Variants in KLHL29 observed in about 807,000 individuals in gnomAD.
KLHL29 encodes kelch like family member 29, also known as kelch-like protein 29.
KLHL29 carries 21 observed loss-of-function variants against 80.4 expected under a neutral mutation model. That is an observed-to-expected ratio of 0.26 (90% CI 0.19 to 0.38). The LOEUF (loss-of-function observed/expected upper bound fraction) is 0.38. Ranked by LOEUF, KLHL29 falls within the 10% of genes least tolerant of loss-of-function variation. The probability of loss-of-function intolerance (pLI) is 1.00; values close to 1 mark genes in which losing one functional copy is unlikely to be tolerated. For missense variants in KLHL29, 867 were observed against 1,223.9 expected (o/e 0.71, Z 4.35); for synonymous variants, 511 against 526.8 (o/e 0.97, Z 0.41).
intron 5 of KLHL29, among the ~76,000 whole-genome samples, chr2:23,656,945 A>C (rs1304064804): frequency 1.3e-5 from 2 of 152,062 alleles, no homozygotes; most frequent in Non-Finnish European, 2.9e-5. Flanking sequence ...AAAAAAAAAA[A>C]AAAAAAACTG....
At position 23,669,830 on chromosome 2, in the gene KLHL29, CTG is replaced by C. The variant is rs777346219; in HGVS notation, c.941-14565_941-14564del. ...GCGCAGGACAGCAACTCTTGGGTAACTGTGTCCATTGGATTTGTAAAAACAGG... is the reference window on the plus strand; with the variant it reads ...GCGCAGGACAGCAACTCTTGGGTAACTGTCCATTGGATTTGTAAAAACAGG... On this transcript the variant is annotated intron_variant, in intron 5 of 13. Coordinates refer to ENST00000486442, the MANE Select transcript of KLHL29 (RefSeq NM_052920.2). The surrounding 1 kb of genome is among the most constrained non-coding windows in gnomAD (Gnocchi z 4.3). Among the ~76,000 whole-genome samples, 133 of 152,318 alleles carry C rather than the reference CTG, an allele frequency of 8.7e-4. No individual in the cohort carries two copies. Among genetic ancestry groups the C allele is most frequent in the Non-Finnish European group, 1.6e-3 (112 of 68,030 alleles).
At chr2:23,530,811 T>G (rs1485962054) in intron 2 of KLHL29, among the ~76,000 whole-genome samples, 1 of 152,270 alleles carries the variant, frequency 6.6e-6, no homozygotes, top group Non-Finnish European at 1.5e-5. Flanking sequence ...AGCATCTGCT[T>G]CTGAATCTGC....
At chr2:23,542,303 G>A (rs116316430) in intron 2 of KLHL29, among the ~76,000 whole-genome samples, 142 of 152,344 alleles carry the variant, frequency 9.3e-4, no homozygotes, top group African/African-American at 3.3e-3. Flanking sequence ...TTTAGTCCCA[G>A]TAGACCCACC....
intron 1 of KLHL29, among the ~76,000 whole-genome samples, chr2:23,438,113 A>C (rs55918209): frequency 1.4e-5 from 2 of 144,470 alleles, no homozygotes; most frequent in Admixed American, 6.8e-5. Flanking sequence ...TCTCTGTTTG[A>C]CTGTTATTGG....
intron 3 of KLHL29, among the ~76,000 whole-genome samples, chr2:23,618,417 A>T (rs765293965): frequency 1.3e-5 from 2 of 152,146 alleles, no homozygotes; most frequent in African/African-American, 4.8e-5. Context: ...GCCCTCCCCA[A>T]TGTGGGAAGG....
At chr2:23,421,735 T>C (rs1662814550) in intron 1 of KLHL29, among the ~76,000 whole-genome samples, 1 of 142,980 alleles carries the variant, frequency 7.0e-6, no homozygotes, top group African/African-American at 3.0e-5. Context: ...CTGTGTTGTG[T>C]GTATGTGTGT....
In KLHL29 at chr2:23,555,205, C is replaced by T. The variant is rs142071736; in HGVS notation, c.-45-6947C>T. Among the ~76,000 whole-genome samples the T allele has an allele frequency of 8.6e-4, 131 of 152,086 alleles. 1 individual carries two copies. Among genetic ancestry groups the T allele is most frequent in the African/African-American group, 2.7e-3 (114 of 41,478 alleles). On this transcript the variant is annotated intron_variant, in intron 2 of 13. Transcript: ENST00000486442. ...CTGGCTGACCTAGCACAGAGGGCCT[C>T]GGGAGCTGTGCATGTTTGCAGACAC...
At chr2:23,612,885 GATAA>G (rs1218772884) in intron 3 of KLHL29, among the ~76,000 whole-genome samples, 3 of 152,216 alleles carry the variant, frequency 2.0e-5, no homozygotes, top group African/African-American at 4.8e-5. Context: ...TAAGGCTATA[GATAA>G]ATAAATATCA....
intron 1 of KLHL29, among the ~76,000 whole-genome samples, chr2:23,422,094 ATGTT>A (rs1558332338): frequency 7.0e-6 from 1 of 142,824 alleles, no homozygotes; most frequent in African/African-American, 2.6e-5. Context: ...TGCTGTCTGT[ATGTT>A]TGTGTGAGTG....
chr2:23,677,606 A>C (rs1287748270), intron 5 of KLHL29, among the ~76,000 whole-genome samples: 1 of 151,850 alleles, frequency 6.6e-6, no homozygotes, highest in Non-Finnish European at 1.5e-5. Flanking sequence ...TCTGAGGCCA[A>C]CTCTTCTTTG....
intron 2 of KLHL29, among the ~76,000 whole-genome samples, chr2:23,496,641 C>T (rs1665274057): frequency 1.3e-5 from 2 of 152,208 alleles, no homozygotes; most frequent in South Asian, 4.1e-4. Flanking sequence ...CCTCAGTGGC[C>T]TCCAGATTTG....
intron 6 of KLHL29, among the ~76,000 whole-genome samples, chr2:23,685,042 C>A (rs1204807387): frequency 6.6e-6 from 1 of 152,218 alleles, no homozygotes; most frequent in Non-Finnish European, 1.5e-5. Flanking sequence ...TTTTCCCCAG[C>A]CCAAGTAGGG....
chr2:23,697,657 T>TTAAC (rs1177643306), intron 11 of KLHL29: 1 of 152,200 alleles, frequency 6.6e-6, no homozygotes, highest in Non-Finnish European at 1.5e-5. Flanking sequence ...TTGTGGGCTT[T>TTAAC]TAACTCCTCC....
At chr2:23,697,617 T>G (rs527733305) in intron 11 of KLHL29, 5 of 152,230 alleles carry the variant, frequency 3.3e-5, no homozygotes, top group East Asian at 1.9e-4. Context: ...GCAAAGACGG[T>G]TGCAGAGTGA....
chr2:23,463,907 A>C (rs1219847766), intron 1 of KLHL29, among the ~76,000 whole-genome samples: 1 of 152,328 alleles, frequency 6.6e-6, no homozygotes, highest in South Asian at 2.1e-4. Context: ...TTTAACAATC[A>C]CAGTCACTAA....
intron 1 of KLHL29, among the ~76,000 whole-genome samples, chr2:23,397,065 G>A (rs1039930784): frequency 6.6e-6 from 1 of 152,220 alleles, no homozygotes; most frequent in African/African-American, 2.4e-5. Flanking sequence ...TGGCAGTGCG[G>A]GGGAAGGTAG....
chr2:23,438,943 ACT>A lies in KLHL29; in HGVS notation c.-153-36614_-153-36613del, dbSNP rs561153447. Among the ~76,000 whole-genome samples the A allele has an allele frequency of 1.7e-3, 242 of 144,164 alleles. 1 individual carries two copies. Among genetic ancestry groups the A allele is most frequent in the African/African-American group, 6.1e-3 (227 of 37,382 alleles). The allele number at this position is 144,164 out of a possible 152,430, so 94.6% of individuals were successfully genotyped here. ...TGGCTGTGAATCCATCGGGTCCTGG[ACT>A]CTTTTTGGTAGGTAAGCTATTGATT... On this transcript the variant is annotated intron_variant, in intron 1 of 13. Coordinates refer to ENST00000486442, the MANE Select transcript of KLHL29 (RefSeq NM_052920.2).
At chr2:23,698,610 T>TATA (rs1382544553) in intron 11 of KLHL29, among the ~76,000 whole-genome samples, 1 of 152,208 alleles carries the variant, frequency 6.6e-6, no homozygotes, top group African/African-American at 2.4e-5. Flanking sequence ...AGCAAGATTA[T>TATA]ATAATTATAG....
intron 2 of KLHL29, among the ~76,000 whole-genome samples, chr2:23,524,647 A>C (rs13433064): frequency 0.08 from 12,120 of 151,794 alleles, 1,159 homozygotes; most frequent in African/African-American, 0.23. Context: ...TTGAGAGGAC[A>C]CCTCTGATTC....
Sources: allele counts gnomAD v4.1 joint callset (sites outside exome capture counted in the v4.1 genomes callset), GRCh38; gene constraint gnomAD v4.1.1; non-coding constraint Gnocchi (gnomAD v3.1); transcripts MANE v1.5; gene names NCBI Gene and HGNC (gene_info 2026-07-23, HGNC 2026-07-21).